SVEP1: variants seen among roughly 807,000 people sequenced by gnomAD.
SVEP1 encodes the protein sushi, von Willebrand factor type A, EGF and pentraxin domain-containing protein 1.
A neutral mutation model predicts 367.3 loss-of-function variants in SVEP1; 164 were observed. The observed-to-expected ratio is 0.45, with a 90% CI of 0.39 to 0.51. The LOEUF is 0.51. Among genes scored for constraint, SVEP1 ranks in the 20% least tolerant of loss-of-function variants. The pLI is 0.00. For synonymous variants in SVEP1, 1,666 were observed against 1,611.6 expected (o/e 1.03, Z -0.81); for missense variants, 4,117 against 4,425.3 (o/e 0.93, Z 1.98).
chr9:110,404,464 T>G lies in SVEP1; in HGVS notation c.9529A>C (p.Ser3177Arg). 3 of 1,614,040 alleles carry G rather than the reference T, an allele frequency of 1.9e-6. No homozygotes were observed. Among genetic ancestry groups the G allele is most frequent in the Non-Finnish European group, 2.5e-6 (3 of 1,179,900 alleles). ...GRWFPERISC[S>R]PKKCPLPENI... is the part of the protein sequence containing the mutation. Reference sequence around the variant, plus strand: ...TCCGGGAGAGGACATTTTTTAGGACTGCAGGAGATTCTCTCAGGGAACCAG... The same window carrying G: ...TCCGGGAGAGGACATTTTTTAGGACGGCAGGAGATTCTCTCAGGGAACCAG... Residue 3177 changes from serine to arginine, a missense_variant, in exon 39 of 48, where the codon AGT (serine) becomes CGT (arginine). Around this residue, in one of 4 missense-constraint regions of SVEP1, gnomAD observed 1,765 missense variants for 1,781.1 expected, o/e 0.99. Coordinates refer to ENST00000374469, the MANE Select transcript of SVEP1 (RefSeq NM_153366.4).
chr9:110,550,639 A>G (rs1280402453), intron 1 of SVEP1, among the ~76,000 whole-genome samples: 3 of 152,036 alleles, frequency 2.0e-5, no homozygotes, highest in African/African-American at 4.8e-5. Flanking sequence ...CCTGCTTCCT[A>G]TATTTGTTTT....
In SVEP1 at chr9:110,579,247, G is replaced by GAAGTTGACTTCGCCCACGCTGGAC; in HGVS notation, c.273_296dup (p.Asn98_Phe99insLeuSerSerValGlyGluValAsn). The stretch of plus-strand genomic sequence containing the variant: ...TGCGGACGAACATGAGCTCGCTGCG[G>GAAGTTGACTTCGCCCACGCTGGAC]AAGTTGACTTCGCCCACGCTGGACG... On this transcript the variant is annotated inframe_insertion, in exon 1 of 48. Coordinates refer to ENST00000374469, the MANE Select transcript of SVEP1 (RefSeq NM_153366.4). The surrounding 1 kb of genome is among the most constrained non-coding windows in gnomAD (Gnocchi z 5.3). 2 of 1,570,790 alleles carry GAAGTTGACTTCGCCCACGCTGGAC rather than the reference G, an allele frequency of 1.3e-6. No individual in the cohort carries two copies. Among genetic ancestry groups the GAAGTTGACTTCGCCCACGCTGGAC allele is most frequent in the African/African-American group, 1.4e-5 (1 of 73,882 alleles).
rs770700294 is a variant in SVEP1, at chr9:110,379,491, C to T, written c.10264G>A (p.Val3422Ile). ...ACGCCTCGAGCAATTGCATTTTCTA[C>T]GTGAGCTGGTGGACCACATGAGATT... ...EKISCGPPAH[V>I]ENAIARGVHY... Residue 3422 changes from valine (V) to isoleucine (I), a missense_variant, in exon 44 of 48, where the codon GTA becomes ATA. By Grantham distance (29) the Val-to-Ile change is conservative (BLOSUM62 3). Around this residue, in one of 4 missense-constraint regions of SVEP1, gnomAD observed 1,765 missense variants for 1,781.1 expected, o/e 0.99. Transcript: ENST00000374469. 29 of 1,613,588 alleles carry T rather than the reference C, an allele frequency of 1.8e-5. No individual in the cohort carries two copies. The highest frequency in any genetic ancestry group is 8.9e-5 in the East Asian group (4 of 44,852).
In SVEP1 at chr9:110,404,508, G is replaced by A; in HGVS notation, c.9485C>T (p.Thr3162Ile). The A allele has an allele frequency of 6.2e-7, 1 of 1,613,942 alleles. No homozygotes were observed. Among genetic ancestry groups the A allele is most frequent in the Non-Finnish European group, 8.5e-7 (1 of 1,179,882 alleles). The change falls in exon 39 of 48, where the codon ACC (threonine) becomes ATC (isoleucine). Residue 3162 changes from threonine to isoleucine, a missense_variant. By Grantham distance (89) the Thr-to-Ile change is moderately conservative. Transcript: ENST00000374469. Reference sequence around the variant, plus strand: ...GAACCAGCGACCATCTTTCTGACAGGTGAATGTATCTGTATCTGTATCCAT... The same window carrying A: ...GAACCAGCGACCATCTTTCTGACAGATGAATGTATCTGTATCTGTATCCAT... ...YTMDTDTDTF[T>I]CQKDGRWFPE...
intron 30 of SVEP1, 78 bp downstream of exon 30, chr9:110,434,258 G>A: frequency 2.8e-6 from 4 of 1,433,842 alleles, no homozygotes; most frequent in Non-Finnish European, 3.8e-6. Flanking sequence ...TTCACTCTTT[G>A]TCTAGCATTC....
At chr9:110,399,531 CTTT>C (rs936608122) in intron 40 of SVEP1, among the ~76,000 whole-genome samples, 13 of 151,826 alleles carry the variant, frequency 8.6e-5, no homozygotes, top group South Asian at 2.1e-4. Context: ...GTGATGAATA[CTTT>C]TTTTGTTTTT....
intron 35 of SVEP1, 112 bp downstream of exon 35, chr9:110,429,031 T>C (rs997492181): frequency 1.3e-5 from 12 of 903,698 alleles, no homozygotes; most frequent in Non-Finnish European, 4.8e-6. Flanking sequence ...ATTGCGCCAC[T>C]GCACTCTAGC....
At chr9:110,375,069 T>C (rs1462348825) in intron 46 of SVEP1, among the ~76,000 whole-genome samples, 2 of 152,116 alleles carry the variant, frequency 1.3e-5, no homozygotes, top group African/African-American at 4.8e-5. Context: ...TAAGTATTAT[T>C]CTGAACCTCT....
chr9:110,510,174 G>A (rs370305137), intron 5 of SVEP1, among the ~76,000 whole-genome samples: 3 of 152,326 alleles, frequency 2.0e-5, no homozygotes, highest in African/African-American at 7.2e-5. Context: ...GTTCTTGGCT[G>A]CAGAGCCACA....
chr9:110,449,855 G>A (rs1828664688), intron 24 of SVEP1, among the ~76,000 whole-genome samples: 1 of 152,120 alleles, frequency 6.6e-6, no homozygotes, highest in Admixed American at 6.5e-5. Flanking sequence ...AGCCATAACA[G>A]GTTGCCTATT....
At chr9:110,541,941 T>C (rs1830155897) in intron 3 of SVEP1, among the ~76,000 whole-genome samples, 1 of 150,094 alleles carries the variant, frequency 6.7e-6, no homozygotes, top group African/African-American at 2.4e-5. Flanking sequence ...ATTACATTTA[T>C]ACATATCTAT....
intron 18 of SVEP1, among the ~76,000 whole-genome samples, chr9:110,463,800 G>A (rs763727011): frequency 4.6e-5 from 7 of 152,098 alleles, no homozygotes; most frequent in South Asian, 4.2e-4. Flanking sequence ...ATAAGGGACC[G>A]TTTTAGAACT....
At chr9:110,366,980 C>G (rs1827211410) in intron 47 of SVEP1, among the ~76,000 whole-genome samples, 1 of 152,160 alleles carries the variant, frequency 6.6e-6, no homozygotes, top group Non-Finnish European at 1.5e-5. Flanking sequence ...TTCTGAACAA[C>G]TGAATTATCT....
chr9:110,389,811 C>CAGACTTTG (rs1035120604), intron 40 of SVEP1, among the ~76,000 whole-genome samples: 1 of 147,788 alleles, frequency 6.8e-6, no homozygotes, highest in African/African-American at 2.4e-5. Flanking sequence ...AATTAAGGTA[C>CAGACTTTG]AGACTTTGCT....
chr9:110,488,740 G>A (rs550103048), intron 9 of SVEP1, among the ~76,000 whole-genome samples: 311 of 152,012 alleles, frequency 2.0e-3, no homozygotes, highest in Non-Finnish European at 3.0e-3. Flanking sequence ...TGGGTGTGGT[G>A]GCACATGCCT....
At chr9:110,562,232 C>T (rs989540094) in intron 1 of SVEP1, among the ~76,000 whole-genome samples, 3 of 144,530 alleles carry the variant, frequency 2.1e-5, no homozygotes. Flanking sequence ...ATATGAATAG[C>T]AAAAACAAAA....
chr9:110,371,426 G>A (rs1490290233), intron 46 of SVEP1, among the ~76,000 whole-genome samples: 2 of 152,062 alleles, frequency 1.3e-5, no homozygotes, highest in African/African-American at 4.8e-5. Flanking sequence ...CGTGTCTTCT[G>A]CAGTGTTATT....
intron 36 of SVEP1, among the ~76,000 whole-genome samples, chr9:110,423,168 TAAA>T: frequency 1.4e-3 from 144 of 103,650 alleles, no homozygotes; most frequent in South Asian, 8.6e-3. Context: ...AAAAATAAAG[TAAA>T]AAAAAAAAAA....
At chr9:110,450,325 G>GTGTTGACT in intron 23 of SVEP1, 65 bp from the exon 24 acceptor site, 1 of 1,526,932 alleles carries the variant, frequency 6.5e-7, no homozygotes, top group Non-Finnish European at 9.0e-7. Flanking sequence ...TGTAACTAAA[G>GTGTTGACT]TGTTGACTCC....
Sources: gnomAD v4.1 joint callset for allele counts (sites outside exome capture counted in the v4.1 genomes callset) on GRCh38, gnomAD v4.1.1 for gene constraint, gnomAD v4.1.1 regional missense constraint, Gnocchi (gnomAD v3.1) non-coding constraint, MANE v1.5 for transcripts, NCBI Gene and HGNC (gene_info 2026-07-23, HGNC 2026-07-21) for gene names.